IQGAP3: variants seen among roughly 807,000 people sequenced by gnomAD.
The protein encoded by IQGAP3 is ras GTPase-activating-like protein IQGAP3.
Under a neutral mutation model 208.2 loss-of-function variants are expected in IQGAP3, and 165 were observed. That is an observed-to-expected ratio of 0.79 (90% confidence interval 0.70 to 0.90). The LOEUF (loss-of-function observed/expected upper bound fraction) is 0.90. Ranked by LOEUF, IQGAP3 falls within the 40% of genes least tolerant of loss-of-function variation. IQGAP3 has a pLI of 0.00. For synonymous variants in IQGAP3, 703 were observed against 803.6 expected (o/e 0.87, Z 2.12); for missense variants, 1,811 against 2,043.1 (o/e 0.89, Z 2.19).
intron 33 of IQGAP3, 114 bp from the exon 34 acceptor site, chr1:156,530,431 A>G (rs1221524288): frequency 2.1e-5 from 18 of 849,496 alleles, no homozygotes; most frequent in Non-Finnish European, 2.9e-5. Context: ...TTTTCTGCAT[A>G]TCATTAAGAA....
intron 10 of IQGAP3, among the ~76,000 whole-genome samples, chr1:156,561,262 G>A (rs1676138138): frequency 1.3e-5 from 2 of 151,982 alleles, no homozygotes; most frequent in South Asian, 2.1e-4. Flanking sequence ...TCTGCCTCCC[G>A]GGTTCAAGCG....
chr1:156,542,094 G>A (rs761975761), intron 22 of IQGAP3, among the ~76,000 whole-genome samples: 28 of 152,334 alleles, frequency 1.8e-4, no homozygotes, highest in African/African-American at 5.8e-4. Context: ...TTATCCTCAA[G>A]GCAACAGGGC....
chr1:156,530,197 G>T lies in IQGAP3; in HGVS notation c.4312C>A (p.Arg1438=), dbSNP rs374144760. 4 of 1,612,954 alleles carry T rather than the reference G, an allele frequency of 2.5e-6. No homozygotes were observed. In the South Asian group the frequency reaches 3.3e-5, roughly 13 times the overall value. ...HSLLPLAEKQ[R]RVLRNLRRLE... ...CGGCGTAGGTTCCGCAGGACGCGCC[G>T]CTGCTTCTCTGCCAGTGGCAGGAGG... The change falls in exon 34 of 38, where the codon CGG becomes AGG. Residue 1438 remains arginine, a synonymous_variant. Transcript: ENST00000361170.
At chr1:156,527,896 G>T in intron 37 of IQGAP3, 56 bp downstream of exon 37, 1 of 1,235,550 alleles carries the variant, frequency 8.1e-7, no homozygotes, top group Non-Finnish European at 1.2e-6. Flanking sequence ...GCTCTCTTCA[G>T]GCCAGCACCT....
chr1:156,528,735 AG>A (rs1674233595), intron 35 of IQGAP3, 125 bp from the exon 36 acceptor site: 1 of 1,025,382 alleles, frequency 9.8e-7, no homozygotes. Flanking sequence ...AAGACAGAGG[AG>A]GGGGGCTGCA....
Position 156,526,478 on chromosome 1 carries a change from T to C in IQGAP3, c.*8A>G, listed in dbSNP as rs765781937. On this transcript the variant is annotated 3_prime_UTR_variant, in exon 38 of 38. Coordinates refer to ENST00000361170, the MANE Select transcript of IQGAP3 (RefSeq NM_178229.5). ...TAAGAGGGGCTTGGGTAGCACCCTT[T>C]GCCTCTGTCACTTCCGCAAAAACTT... 3.2e-6 allele frequency: 5 copies of C among 1,581,540 alleles called. No homozygotes were observed. In the Admixed American group the frequency reaches 8.3e-5, roughly 26 times the overall value.
chr1:156,554,405 G>C lies in IQGAP3; in HGVS notation c.1291-13C>G. On this transcript the variant is annotated splice_polypyrimidine_tract_variant and intron_variant, in intron 12 of 37. Coordinates refer to ENST00000361170, the MANE Select transcript of IQGAP3 (RefSeq NM_178229.5). ...CCTGGCCAAGCTCCTACAATGGGTG[G>C]GAGGGCCAATTCCCAAGTGGGCAGG... is the stretch of plus-strand genomic sequence containing the variant. 3 of 1,586,584 alleles carry C rather than the reference G, an allele frequency of 1.9e-6. No individual in the cohort carries two copies. In the South Asian group the frequency reaches 3.4e-5, roughly 18 times the overall value.
chr1:156,538,744 C>G, intron 26 of IQGAP3, 65 bp downstream of exon 26: 1 of 1,419,772 alleles, frequency 7.0e-7, no homozygotes, highest in South Asian at 1.2e-5. Flanking sequence ...CCAGTAGGGT[C>G]CAAGACACAG....
chr1:156,571,547 G>A (rs1475599022), intron 1 of IQGAP3, among the ~76,000 whole-genome samples: 4 of 152,190 alleles, frequency 2.6e-5, no homozygotes, highest in African/African-American at 9.7e-5. Flanking sequence ...CCAAGGGGGT[G>A]TACAAGGAAC....
intron 19 of IQGAP3, among the ~76,000 whole-genome samples, chr1:156,544,892 C>T (rs1038329322): frequency 1.3e-5 from 2 of 152,066 alleles, no homozygotes; most frequent in African/African-American, 4.8e-5. Context: ...CACACTCCAC[C>T]CTCCCTCATG....
At chr1:156,565,654 T>C (rs1422586538) in intron 4 of IQGAP3, among the ~76,000 whole-genome samples, 1 of 152,154 alleles carries the variant, frequency 6.6e-6, no homozygotes, top group East Asian at 1.9e-4. Context: ...AGTTGGGGTT[T>C]TGGACCTAGG....
At chr1:156,534,263 A>C in intron 29 of IQGAP3, 122 bp from the exon 30 acceptor site, 1 of 1,450,252 alleles carries the variant, frequency 6.9e-7, no homozygotes, top group Non-Finnish European at 9.5e-7. Flanking sequence ...CTCCAGTCTC[A>C]GCTTCTGCCC....
intron 1 of IQGAP3, among the ~76,000 whole-genome samples, chr1:156,570,532 T>A (rs879436959): frequency 6.6e-6 from 1 of 152,174 alleles, no homozygotes; most frequent in Non-Finnish European, 1.5e-5. Flanking sequence ...GTTTGTTTTG[T>A]TTTTGAAACA....
chr1:156,562,722 G>T, intron 8 of IQGAP3, 57 bp from the exon 9 acceptor site: 1 of 1,374,580 alleles, frequency 7.3e-7, no homozygotes, highest in Non-Finnish European at 1.0e-6. Flanking sequence ...TCCTTGTCCT[G>T]CTCTTCCCTG....
Position 156,534,502 on chromosome 1 carries a change from T to G in IQGAP3, c.3739A>C (p.Arg1247=). The change falls in exon 29 of 38, where the codon AGG becomes CGG. Residue 1247 remains arginine, a splice_region_variant and synonymous_variant. Coordinates refer to ENST00000361170, the MANE Select transcript of IQGAP3 (RefSeq NM_178229.5). Reference sequence around the variant, plus strand: ...ACAGAGAGGAAAGGGACCCAAGACCTGAACTTGAGGTGTGTTTCCTCCAGA... The same window carrying G: ...ACAGAGAGGAAAGGGACCCAAGACCGGAACTTGAGGTGTGTTTCCTCCAGA... ...DYLEETHLKF[R]KFIHRACQVP... is the part of the protein sequence containing the mutation. 6.4e-7 allele frequency: 1 copy of G among 1,560,834 alleles called. No homozygotes were observed. The highest frequency in any genetic ancestry group is 2.0e-5 in the Admixed American group (1 of 50,852).
chr1:156,551,962 G>A lies in IQGAP3; in HGVS notation c.1570+12C>T. The A allele has an allele frequency of 1.9e-6, 3 of 1,612,810 alleles. No individual in the cohort carries two copies. The South Asian group carries it at 3.3e-5, about 18-fold the overall frequency. ...GTTGGGCCATCTCCACCCAGCTCCA[G>A]ACTATACTTACGGTCAGTCTCTTCC... On this transcript the variant is annotated intron_variant, in intron 14 of 37. Transcript: ENST00000361170.
intron 4 of IQGAP3, among the ~76,000 whole-genome samples, chr1:156,565,700 T>C (rs1676370829): frequency 6.6e-6 from 1 of 152,206 alleles, no homozygotes; most frequent in Non-Finnish European, 1.5e-5. Context: ...GGGATGTGTA[T>C]ACCCTTGCTT....
At chr1:156,548,515 G>T in intron 17 of IQGAP3, 28 bp from the exon 18 acceptor site, 6 of 1,608,464 alleles carry the variant, frequency 3.7e-6, no homozygotes, top group Non-Finnish European at 5.1e-6. Flanking sequence ...AAGCAGAAAA[G>T]GTTCAGAGCA....
At chr1:156,528,095 G>T in intron 36 of IQGAP3, 35 bp from the exon 37 acceptor site, 1 of 1,511,316 alleles carries the variant, frequency 6.6e-7, no homozygotes. Context: ...GGAACCCACT[G>T]CCTCTTTCCA....
Sources: gnomAD v4.1 joint callset for allele counts (sites outside exome capture counted in the v4.1 genomes callset) on GRCh38, gnomAD v4.1.1 for gene constraint, MANE v1.5 for transcripts, NCBI Gene and HGNC (gene_info 2026-07-23, HGNC 2026-07-21) for gene names.